MAP2K4: variants seen among roughly 807,000 people sequenced by gnomAD.
MAP2K4 encodes the protein dual specificity mitogen-activated protein kinase kinase 4.
MAP2K4 carries 4 observed loss-of-function variants against 48.5 expected under a neutral mutation model. The observed-to-expected ratio is 0.08, with a 90% CI of 0.04 to 0.19. The LOEUF is 0.19. Ranked by LOEUF, MAP2K4 falls within the 10% of genes least tolerant of loss-of-function variation. The pLI is 1.00. For synonymous variants in MAP2K4, 166 were observed against 173.1 expected (o/e 0.96, Z 0.32); for missense variants, 258 against 493.3 (o/e 0.52, Z 4.52).
chr17:12,104,153 G>GTA (rs1450781121), intron 4 of MAP2K4, among the ~76,000 whole-genome samples: 1 of 152,128 alleles, frequency 6.6e-6, no homozygotes, highest in Non-Finnish European at 1.5e-5. Context: ...CTGACTGTTA[G>GTA]TAGCTTGCTT....
chr17:12,061,795 A>G (rs1347338531), intron 2 of MAP2K4, among the ~76,000 whole-genome samples: 1 of 152,184 alleles, frequency 6.6e-6, no homozygotes, highest in Non-Finnish European at 1.5e-5. Flanking sequence ...GATTTCAATC[A>G]GAATATTATA....
rs775147472 is a variant in MAP2K4, at chr17:12,103,212, A to AT, written c.514-4561dup. On this transcript the variant is annotated intron_variant, in intron 4 of 10. Coordinates refer to ENST00000353533, the MANE Select transcript of MAP2K4 (RefSeq NM_003010.4). The stretch of plus-strand genomic sequence containing the variant: ...GCACTACCACCACCCTGCTAATTGA[A>AT]TTTTTTTTTTTTTTTTTGGAGGTGG... Among the ~76,000 whole-genome samples, 1,129 of 135,142 alleles carry AT rather than the reference A, an allele frequency of 8.4e-3. 16 individuals carry two copies. The highest frequency in any genetic ancestry group is 0.024 in the African/African-American group (894 of 36,808). The allele number at this position is 135,142 out of a possible 152,430, so 88.7% of individuals were successfully genotyped here.
chr17:12,021,241 C>T (rs1421171091), intron 1 of MAP2K4: 1 of 291,758 alleles, frequency 3.4e-6, no homozygotes, highest in Non-Finnish European at 6.3e-6. Flanking sequence ...CCCCTGGGCC[C>T]TACCGGGCTC....
At chr17:12,100,438 A>C (rs902956219) in intron 4 of MAP2K4, among the ~76,000 whole-genome samples, 4 of 152,038 alleles carry the variant, frequency 2.6e-5, no homozygotes, top group Admixed American at 6.6e-5. Flanking sequence ...CATTATGCAG[A>C]TCTATCAGTT....
intron 6 of MAP2K4, among the ~76,000 whole-genome samples, chr17:12,111,921 A>C (rs1166150886): frequency 6.6e-6 from 1 of 152,084 alleles, no homozygotes; most frequent in Non-Finnish European, 1.5e-5. Context: ...TATCATGTCT[A>C]TATGTGGCTG....
At chr17:12,059,177 G>T (rs1275696204) in intron 2 of MAP2K4, among the ~76,000 whole-genome samples, 2 of 151,924 alleles carry the variant, frequency 1.3e-5, no homozygotes, top group African/African-American at 4.8e-5. Context: ...TTTTCCCTTG[G>T]CTTTTAAAAT....
intron 7 of MAP2K4, among the ~76,000 whole-genome samples, chr17:12,123,203 A>G (rs1714573835): frequency 1.3e-5 from 2 of 152,184 alleles, no homozygotes; most frequent in South Asian, 4.1e-4. Flanking sequence ...TTTCTCACGT[A>G]TTTGAAAAGA....
intron 2 of MAP2K4, among the ~76,000 whole-genome samples, chr17:12,072,374 G>C (rs1392514192): frequency 6.6e-6 from 1 of 152,154 alleles, no homozygotes; most frequent in Non-Finnish European, 1.5e-5. Context: ...AGTGAAGTCT[G>C]CGTTTTCTTT....
intron 1 of MAP2K4, among the ~76,000 whole-genome samples, chr17:12,027,606 C>T (rs897361294): frequency 6.6e-6 from 1 of 152,040 alleles, no homozygotes. Context: ...TCTGACATGC[C>T]TATGTCTATT....
intron 2 of MAP2K4, among the ~76,000 whole-genome samples, chr17:12,066,544 T>C (rs1450907442): frequency 2.0e-5 from 3 of 152,164 alleles, no homozygotes; most frequent in Non-Finnish European, 4.4e-5. Context: ...TCTTCTTCTT[T>C]GTTTTTTGAG....
intron 7 of MAP2K4, among the ~76,000 whole-genome samples, chr17:12,118,931 A>C (rs1482694115): frequency 6.6e-6 from 1 of 152,212 alleles, no homozygotes; most frequent in Non-Finnish European, 1.5e-5. Context: ...AAAGTGAGAA[A>C]AAAATGATAT....
intron 1 of MAP2K4, among the ~76,000 whole-genome samples, chr17:12,037,393 G>A (rs1969634816): frequency 6.6e-6 from 1 of 152,086 alleles, no homozygotes; most frequent in South Asian, 2.1e-4. Context: ...GTGGACTATA[G>A]GAAAACAGGA....
chr17:12,021,999 CAG>C (rs1421140277), intron 1 of MAP2K4, among the ~76,000 whole-genome samples: 1 of 152,144 alleles, frequency 6.6e-6, no homozygotes, highest in Admixed American at 6.5e-5. Context: ...ATTTTTAAAA[CAG>C]GGAATCTCAG....
intron 2 of MAP2K4, among the ~76,000 whole-genome samples, chr17:12,055,993 T>A (rs961139674): frequency 2.0e-5 from 3 of 152,092 alleles, no homozygotes; most frequent in South Asian, 2.1e-4. Flanking sequence ...CTTTTTACCT[T>A]CTCTGAAACA....
intron 2 of MAP2K4, among the ~76,000 whole-genome samples, chr17:12,078,768 T>C (rs1226980729): frequency 6.6e-6 from 1 of 152,184 alleles, no homozygotes; most frequent in African/African-American, 2.4e-5. Context: ...AGGACAGAAA[T>C]TGATTGACTC....
In MAP2K4 at chr17:12,088,028, G is replaced by T. The variant is rs1227831059; in HGVS notation, c.393+6498G>T. Among the ~76,000 whole-genome samples the T allele has an allele frequency of 2.0e-5, 3 of 152,146 alleles. No homozygotes were observed. In the East Asian group the frequency reaches 5.8e-4, roughly 29 times the overall value. On this transcript the variant is annotated intron_variant, in intron 3 of 10. Coordinates refer to ENST00000353533, the MANE Select transcript of MAP2K4 (RefSeq NM_003010.4). Reference sequence around the variant, plus strand: ...AAGATTTTCTGCAGCCCAGAGGAAGGTGATAGGATATTGATGTGCTGCTAT... The same window carrying T: ...AAGATTTTCTGCAGCCCAGAGGAAGTTGATAGGATATTGATGTGCTGCTAT...
intron 4 of MAP2K4, among the ~76,000 whole-genome samples, chr17:12,105,044 T>C (rs971552662): frequency 1.3e-5 from 2 of 152,184 alleles, no homozygotes; most frequent in Non-Finnish European, 2.9e-5. Flanking sequence ...TTTCTGTCTG[T>C]GCATGAACTT....
At chr17:12,123,142 C>T (rs76346069) in intron 7 of MAP2K4, among the ~76,000 whole-genome samples, 3,116 of 152,148 alleles carry the variant, frequency 0.02, 34 homozygotes, top group East Asian at 0.058. Context: ...AGTTGGGAAG[C>T]GTACCATCTC....
chr17:12,139,780 GA>G, intron 9 of MAP2K4, 58 bp from the exon 10 acceptor site: 1 of 1,243,816 alleles, frequency 8.0e-7, no homozygotes, highest in Admixed American at 1.9e-5. Flanking sequence ...TCTGTGAAAA[GA>G]AAAATACTTA....
Sources: allele counts gnomAD v4.1 joint callset (sites outside exome capture counted in the v4.1 genomes callset), GRCh38; gene constraint gnomAD v4.1.1; transcripts MANE v1.5; gene names NCBI Gene and HGNC (gene_info 2026-07-23, HGNC 2026-07-21).